Variants in CDCA5 observed in about 807,000 individuals in gnomAD.
CDCA5 encodes the protein cell division cycle associated 5.
In CDCA5, 14 loss-of-function variants were observed where a neutral mutation model predicts 25.7. The ratio of observed to expected loss-of-function variants is 0.54; its 90% CI spans 0.36 to 0.85. The LOEUF is 0.85. CDCA5 is among the 40% of genes least tolerant of loss of function. The probability of loss-of-function intolerance (pLI) is 0.01; values close to 1 mark genes in which losing one functional copy is unlikely to be tolerated. For synonymous variants in CDCA5, 127 were observed against 128.7 expected (o/e 0.99, Z 0.09); for missense variants, 307 against 324.5 (o/e 0.95, Z 0.41).
downstream of CDCA5, among the ~76,000 whole-genome samples, chr11:65,074,610 G>A (rs907686074): frequency 2.0e-5 from 3 of 152,036 alleles, no homozygotes; most frequent in Admixed American, 2.0e-4. Flanking sequence ...ATGGTGACAC[G>A]TGCCTGTAGT....
Position 65,083,540 on chromosome 11 carries a change from G to A in CDCA5, c.152C>T (p.Ala51Val), listed in dbSNP as rs761626035. 2 of 1,614,200 alleles carry A rather than the reference G, an allele frequency of 1.2e-6. No individual in the cohort carries two copies. The highest frequency in any genetic ancestry group is 1.7e-6 in the Non-Finnish European group (2 of 1,180,030). Residue 51 changes from alanine (A) to valine (V), a missense_variant, in exon 3 of 6, where the codon GCG (alanine) becomes GTG (valine). Transcript: ENST00000275517. Reference protein sequence around the residue: ...LPEIWPKTPSAAAVRKPIVLK... With the variant: ...LPEIWPKTPSVAAVRKPIVLK... ...GACGATGGGCTTTCTGACTGCAGCC[G>A]CACTGGGTGTCTGGAGAAGAGGGAT...
At chr11:65,072,031 T>C (rs1428147507) in intron 1 of CDCA5, among the ~76,000 whole-genome samples, 1 of 152,202 alleles carries the variant, frequency 6.6e-6, no homozygotes, top group African/African-American at 2.4e-5. Flanking sequence ...GGTACAAAAA[T>C]GAATCTCCTC....
chr11:65,074,881 G>C (rs1947410896), downstream of CDCA5, among the ~76,000 whole-genome samples: 1 of 151,802 alleles, frequency 6.6e-6, no homozygotes, highest in South Asian at 2.1e-4. Flanking sequence ...GACCAACATG[G>C]AGAAACCCCG....
At chr11:65,061,864 T>TATGTCTCCA (rs1027260539), downstream of CDCA5, among the ~76,000 whole-genome samples, 2 of 149,414 alleles carry the variant, frequency 1.3e-5, no homozygotes, top group Non-Finnish European at 3.0e-5. Flanking sequence ...CCCGCAAGTA[T>TATGTCTCCA]ATGTCTCCAA....
intron 4 of CDCA5, 183 bp downstream of exon 4, chr11:65,083,181 A>G: frequency 1.5e-6 from 1 of 646,898 alleles, no homozygotes; most frequent in South Asian, 1.9e-5. Context: ...AGGCATAAAA[A>G]GTTAAGTGTA....
downstream of CDCA5, among the ~76,000 whole-genome samples, chr11:65,062,414 C>CT (rs1480846828): frequency 2.6e-5 from 4 of 152,128 alleles, no homozygotes; most frequent in African/African-American, 9.7e-5. Flanking sequence ...TGTCTCAGAC[C>CT]CGGTCCCCTC....
chr11:65,067,861 T>G (rs528283292), intron 3 of CDCA5: 28,159 of 842,780 alleles, frequency 0.033, 685 homozygotes, highest in East Asian at 0.076. Flanking sequence ...AGCAGGCCTC[T>G]CTGGGCCTCC....
chr11:65,062,315 G>T (rs531328122), downstream of CDCA5, among the ~76,000 whole-genome samples: 2 of 152,136 alleles, frequency 1.3e-5, no homozygotes, highest in African/African-American at 4.8e-5. Context: ...TGAAACCCAG[G>T]TCCGCCATGT....
intron 3 of CDCA5, chr11:65,067,763 G>A (rs966427875): frequency 1.6e-6 from 2 of 1,285,668 alleles, no homozygotes; most frequent in African/African-American, 1.5e-5. Context: ...CCTGGAGCAA[G>A]TGGGTAGTGA....
downstream of CDCA5, among the ~76,000 whole-genome samples, chr11:65,063,352 C>G (rs1222018719): frequency 6.6e-6 from 1 of 152,180 alleles, no homozygotes; most frequent in African/African-American, 2.4e-5. Context: ...GGGAAGGGAG[C>G]CTGCTGGGAA....
intron 5 of CDCA5, 56 bp downstream of exon 5, chr11:65,079,297 A>G (rs775648505): frequency 6.2e-7 from 1 of 1,612,772 alleles, no homozygotes; most frequent in South Asian, 1.1e-5. Context: ...CCAGAGCCCC[A>G]GCCCTGCACG....
downstream of CDCA5, among the ~76,000 whole-genome samples, chr11:65,075,125 G>A (rs1295190145): frequency 6.6e-5 from 10 of 151,278 alleles, no homozygotes; most frequent in Admixed American, 5.3e-4. Context: ...TGCCAGCCAC[G>A]GTGATTCACG....
chr11:65,066,287 G>A (rs1947233680), downstream of CDCA5: 1 of 1,139,720 alleles, frequency 8.8e-7, no homozygotes, highest in Middle Eastern at 4.1e-4. Context: ...CAGACACTTG[G>A]TGAAGCTGAA....
Position 65,067,508 on chromosome 11 carries a change from C to T in CDCA5, c.368+147G>A, listed in dbSNP as rs966092363. 1.3e-4 allele frequency: 49 copies of T among 387,990 alleles called. 3 individuals are homozygous for T. The highest frequency in any genetic ancestry group is 1.8e-4 in the Non-Finnish European group (37 of 203,656). The allele number at this position is 387,990 out of a possible 1,614,324, so 24.0% of individuals were successfully genotyped here. On this transcript the variant is annotated intron_variant, in intron 4 of 6. Transcript: ENST00000525464. ...GAACAAGCCCCTCCCCCAGACTGAACGCTCCTCAAGTTCTTGGACAATTAA... is the reference window on the plus strand; with the variant it reads ...GAACAAGCCCCTCCCCCAGACTGAATGCTCCTCAAGTTCTTGGACAATTAA...
chr11:65,067,696 C>T, exon 4 of CDCA5: 3 of 1,289,798 alleles, frequency 2.3e-6, no homozygotes, highest in Non-Finnish European at 2.0e-6. Flanking sequence ...CCTTTGAGGT[C>T]CGCTGGGGGC....
At chr11:65,077,075 G>T (rs749935237), downstream of CDCA5, among the ~76,000 whole-genome samples, 1 of 152,280 alleles carries the variant, frequency 6.6e-6, no homozygotes, top group Admixed American at 6.5e-5. Flanking sequence ...ATCACTTGAG[G>T]TCAGAGTTCA....
Position 65,083,358 on chromosome 11 carries a change from A to T in CDCA5, c.243+6T>A. 1 of 1,613,890 alleles carries T rather than the reference A, an allele frequency of 6.2e-7. No homozygotes were observed. The highest frequency in any genetic ancestry group is 8.5e-7 in the Non-Finnish European group (1 of 1,179,918). On this transcript the variant is annotated splice_donor_region_variant and intron_variant, in intron 4 of 5. Coordinates refer to ENST00000275517, the MANE Select transcript of CDCA5 (RefSeq NM_080668.4). ...TACTTAATTAAGTAGATGAAAGTGAACTCACCCTAGGGCTCCTGCGAGGTG... is the reference window on the plus strand; with the variant it reads ...TACTTAATTAAGTAGATGAAAGTGATCTCACCCTAGGGCTCCTGCGAGGTG...
downstream of CDCA5, among the ~76,000 whole-genome samples, chr11:65,074,992 G>T (rs1275326126): frequency 5.9e-5 from 9 of 151,428 alleles, no homozygotes; most frequent in Non-Finnish European, 1.2e-4. Context: ...AACTCGGGAG[G>T]TGGAGGTTGT....
chr11:65,079,875 A>C (rs920919761), intron 4 of CDCA5, 88 bp from the exon 5 acceptor site: 8 of 1,009,244 alleles, frequency 7.9e-6, no homozygotes, highest in African/African-American at 1.7e-5. Flanking sequence ...GGGTGGAAAG[A>C]CCCACAGGAC....
Sources: allele counts gnomAD v4.1 joint callset (sites outside exome capture counted in the v4.1 genomes callset), GRCh38; gene constraint gnomAD v4.1.1; transcripts MANE v1.5; gene names NCBI Gene and HGNC (gene_info 2026-07-23, HGNC 2026-07-21).